The following ARL5A variants were observed in gnomAD, a reference collection of about 807,000 sequenced individuals.
ARL5A encodes ADP-ribosylation factor-like protein 5A.
A neutral mutation model predicts 25.9 loss-of-function variants in ARL5A; 18 were observed. The observed-to-expected ratio is 0.69, with a 90% confidence interval of 0.48 to 1.03. The LOEUF is 1.03. Among genes scored for constraint, ARL5A ranks in the 50% least tolerant of loss-of-function variants. The pLI is 0.00. For synonymous variants in ARL5A, 61 were observed against 67.5 expected (o/e 0.90, Z 0.47); for missense variants, 170 against 211.9 (o/e 0.80, Z 1.23).
intron 1 of ARL5A, among the ~76,000 whole-genome samples, chr2:151,819,098 C>CA (rs2099831903): frequency 2.0e-5 from 3 of 151,886 alleles, no homozygotes; most frequent in African/African-American, 7.3e-5. Flanking sequence ...CAAAAGGAAA[C>CA]AAAAACATAG....
chr2:151,804,047 G>A (rs1163626478), intron 5 of ARL5A, among the ~76,000 whole-genome samples: 3 of 151,956 alleles, frequency 2.0e-5, no homozygotes, highest in African/African-American at 7.3e-5. Context: ...TCATCACCAG[G>A]AAATGGAGGA....
intron 4 of ARL5A, among the ~76,000 whole-genome samples, chr2:151,811,935 A>G (rs1036186392): frequency 2.6e-5 from 4 of 152,192 alleles, no homozygotes; most frequent in African/African-American, 9.7e-5. Context: ...CAAAGGGACA[A>G]TATCAGAGAA....
intron 1 of ARL5A, among the ~76,000 whole-genome samples, chr2:151,816,785 A>G (rs2099831568): frequency 3.3e-5 from 5 of 152,284 alleles, no homozygotes; most frequent in Admixed American, 2.6e-4. Flanking sequence ...CTAGTACAAC[A>G]CTCTCAAGAC....
chr2:151,818,568 T>C (rs1245005323), intron 1 of ARL5A, among the ~76,000 whole-genome samples: 1 of 152,252 alleles, frequency 6.6e-6, no homozygotes, highest in Non-Finnish European at 1.5e-5. Context: ...CAAGCCACTG[T>C]ACCTGGTCTG....
Position 151,801,467 on chromosome 2 carries a change from T to A in ARL5A, c.*1809A>T, listed in dbSNP as rs1176608409. Reference sequence around the variant, plus strand: ...AGATTTGGGTAAAGGAGATTTTTAATAGATAACAAGTAATTCTTTATAGGG... The same window carrying A: ...AGATTTGGGTAAAGGAGATTTTTAAAAGATAACAAGTAATTCTTTATAGGG... On this transcript the variant is annotated 3_prime_UTR_variant, in exon 6 of 6. Coordinates refer to ENST00000295087, the MANE Select transcript of ARL5A (RefSeq NM_012097.4). 1 of 152,168 alleles carries A rather than the reference T, an allele frequency of 6.6e-6. No homozygotes were observed. Among genetic ancestry groups the A allele is most frequent in the East Asian group, 1.9e-4 (1 of 5,196 alleles). The allele number at this position is 152,168 out of a possible 1,614,324, so 9.4% of individuals were successfully genotyped here.
In ARL5A at chr2:151,815,215, C is replaced by T. The variant is rs747479786; in HGVS notation, c.47-16G>A. 13 of 1,568,576 alleles carry T rather than the reference C, an allele frequency of 8.3e-6. No individual in the cohort carries two copies. In the African/African-American group the frequency reaches 1.9e-4, roughly 23 times the overall value. ...ACTTTGTGCTCTGAAATAGAGAAAA[C>T]ACCAGTGATTTTTTTTCAAAAAAGG... On this transcript the variant is annotated splice_polypyrimidine_tract_variant and intron_variant, in intron 1 of 5. Transcript: ENST00000295087.
Position 151,828,263 on chromosome 2 carries a change from G to C in ARL5A, c.-87C>G. On this transcript the variant is annotated 5_prime_UTR_variant, in exon 1 of 6. Coordinates refer to ENST00000295087, the MANE Select transcript of ARL5A (RefSeq NM_012097.4). ...CTGAGGGGGAGGAGAGAGACGCGCT[G>C]GAGCCTCCGCCTCTGCTGCTGCTCC... 1 of 1,231,640 alleles carries C rather than the reference G, an allele frequency of 8.1e-7. No homozygotes were observed. Among genetic ancestry groups the C allele is most frequent in the African/African-American group, 1.6e-5 (1 of 64,506 alleles). 76.3% of individuals were successfully genotyped at this position (1,231,640 alleles called of 1,614,324 possible). A position where few individuals can be genotyped will look rare whatever the true frequency, so the allele number is the denominator to read the frequency against.
intron 4 of ARL5A, among the ~76,000 whole-genome samples, chr2:151,811,754 G>A (rs967365837): frequency 7.2e-5 from 11 of 151,962 alleles, no homozygotes; most frequent in East Asian, 1.9e-4. Context: ...TTTATTTTTC[G>A]TAGAGACAGG....
At chr2:151,811,753 C>T (rs1021308000) in intron 4 of ARL5A, among the ~76,000 whole-genome samples, 2 of 151,772 alleles carry the variant, frequency 1.3e-5, no homozygotes, top group African/African-American at 4.8e-5. Flanking sequence ...GTTTATTTTT[C>T]GTAGAGACAG....
intron 5 of ARL5A, among the ~76,000 whole-genome samples, chr2:151,804,742 T>C (rs2099829874): frequency 1.3e-5 from 2 of 152,156 alleles, no homozygotes; most frequent in South Asian, 2.1e-4. Flanking sequence ...ATCCTTCCAA[T>C]GTTACAGAGG....
intron 1 of ARL5A, among the ~76,000 whole-genome samples, chr2:151,827,217 T>C (rs1357468): frequency 0.7 from 106,319 of 152,150 alleles, 40,328 homozygotes; most frequent in Non-Finnish European, 0.84. Context: ...TCTTAATAAG[T>C]ATCCAGTCTT....
chr2:151,824,341 CT>C (rs1553734708), intron 1 of ARL5A, among the ~76,000 whole-genome samples: 1 of 152,182 alleles, frequency 6.6e-6, no homozygotes, highest in Non-Finnish European at 1.5e-5. Flanking sequence ...TTTTTACTTA[CT>C]GTATTTTCAA....
chr2:151,824,756 T>G (rs78886276), intron 1 of ARL5A, among the ~76,000 whole-genome samples: 1 of 152,214 alleles, frequency 6.6e-6, no homozygotes, highest in African/African-American at 2.4e-5. Context: ...CGTGCGTGCA[T>G]GTGTGTGTAG....
chr2:151,812,280 C>A, intron 4 of ARL5A, 77 bp downstream of exon 4: 1 of 1,037,864 alleles, frequency 9.6e-7, no homozygotes. Flanking sequence ...TGATAGCACC[C>A]TCATGAGAAA....
At chr2:151,813,475 T>A (rs2099831122) in intron 3 of ARL5A, among the ~76,000 whole-genome samples, 1 of 152,176 alleles carries the variant, frequency 6.6e-6, no homozygotes, top group Non-Finnish European at 1.5e-5. Context: ...ATACATAACT[T>A]CCCTTATTAA....
chr2:151,804,753 A>C (rs1225947229), intron 5 of ARL5A, among the ~76,000 whole-genome samples: 3 of 152,194 alleles, frequency 2.0e-5, no homozygotes, highest in Non-Finnish European at 1.5e-5. Flanking sequence ...GTTACAGAGG[A>C]AACCCAGGGT....
At chr2:151,819,079 G>T (rs1462895888) in intron 1 of ARL5A, among the ~76,000 whole-genome samples, 1 of 151,872 alleles carries the variant, frequency 6.6e-6, no homozygotes, top group Non-Finnish European at 1.5e-5. Flanking sequence ...AAAATTAGCA[G>T]GAAAAGTCCA....
At chr2:151,814,613 T>C (rs1198789327) in intron 2 of ARL5A, among the ~76,000 whole-genome samples, 2 of 151,970 alleles carry the variant, frequency 1.3e-5, no homozygotes, top group Non-Finnish European at 2.9e-5. Flanking sequence ...ACATAATCAG[T>C]GGCATGAGGT....
In ARL5A at chr2:151,801,447, T is replaced by C. The variant is rs1364390135; in HGVS notation, c.*1829A>G. On this transcript the variant is annotated 3_prime_UTR_variant, in exon 6 of 6. Coordinates refer to ENST00000295087, the MANE Select transcript of ARL5A (RefSeq NM_012097.4). ...GTCTGGCGAAACCATAATACAGATT[T>C]GGGTAAAGGAGATTTTTAATAGATA... The C allele has an allele frequency of 6.6e-6, 1 of 152,170 alleles. No homozygotes were observed. The highest frequency in any genetic ancestry group is 2.4e-5 in the African/African-American group (1 of 41,468). 9.4% of individuals were successfully genotyped at this position (152,170 alleles called of 1,614,324 possible). A position where few individuals can be genotyped will look rare whatever the true frequency, so the allele number is the denominator to read the frequency against.
Sources: allele counts gnomAD v4.1 joint callset (sites outside exome capture counted in the v4.1 genomes callset), GRCh38; gene constraint gnomAD v4.1.1; transcripts MANE v1.5; gene names NCBI Gene and HGNC (gene_info 2026-07-23, HGNC 2026-07-21).